Variants in RCHY1 observed in about 807,000 individuals in gnomAD.
RCHY1 encodes the protein ring finger and CHY zinc finger domain containing 1, also known as RING finger and CHY zinc finger domain-containing protein 1.
A neutral mutation model predicts 41.6 loss-of-function variants in RCHY1; 21 were observed. The ratio of observed to expected loss-of-function variants is 0.51; its 90% CI spans 0.36 to 0.73. The LOEUF (loss-of-function observed/expected upper bound fraction) is 0.73. Ranked by LOEUF, RCHY1 falls within the 30% of genes least tolerant of loss-of-function variation. The pLI is 0.00. For missense variants in RCHY1, 265 were observed against 325.3 expected (o/e 0.81, Z 1.43); for synonymous variants, 79 against 102.9 (o/e 0.77, Z 1.41).
At chr4:75,494,855 T>C (rs1411060211) in intron 3 of RCHY1, among the ~76,000 whole-genome samples, 1 of 151,858 alleles carries the variant, frequency 6.6e-6, no homozygotes, top group Non-Finnish European at 1.5e-5. Context: ...GGTAACATGG[T>C]TACTTGTATT....
Position 75,482,398 on chromosome 4 carries a change from G to T in RCHY1, c.*140C>A. On this transcript the variant is annotated 3_prime_UTR_variant, in exon 9 of 9. Transcript: ENST00000324439. ...AGAGACCCTGAATCCTTACGTACTT[G>T]TAATATGATTTTATGCTGTGACACT... The T allele has an allele frequency of 6.2e-6, 4 of 644,210 alleles. No homozygotes were observed. The highest frequency in any genetic ancestry group is 4.8e-6 in the Non-Finnish European group (2 of 419,388). 39.9% of individuals were successfully genotyped at this position (644,210 alleles called of 1,614,324 possible).
intron 3 of RCHY1, among the ~76,000 whole-genome samples, chr4:75,505,215 G>A (rs1724179818): frequency 6.6e-6 from 1 of 152,118 alleles, no homozygotes; most frequent in Non-Finnish European, 1.5e-5. Context: ...TGCTACTACT[G>A]ATGTGACAGG....
chr4:75,513,736 T>C (rs1209402699), intron 1 of RCHY1, among the ~76,000 whole-genome samples: 1 of 152,252 alleles, frequency 6.6e-6, no homozygotes, highest in African/African-American at 2.4e-5. Flanking sequence ...CGTTTTCTCC[T>C]ACGTCTGAAC....
chr4:75,491,675 A>C, intron 6 of RCHY1, 38 bp from the exon 7 acceptor site: 3 of 1,601,020 alleles, frequency 1.9e-6, no homozygotes, highest in Non-Finnish European at 2.6e-6. Flanking sequence ...TAAAACAAAA[A>C]CTGTCTCCAC....
chr4:75,506,173 C>G (rs59968007), intron 3 of RCHY1, among the ~76,000 whole-genome samples: 3,749 of 147,464 alleles, frequency 0.025, 172 homozygotes, highest in African/African-American at 0.089. Context: ...CATATCAATG[C>G]TAAATTGGAT....
intron 3 of RCHY1, among the ~76,000 whole-genome samples, chr4:75,494,978 T>A (rs1723060714): frequency 1.3e-5 from 2 of 152,090 alleles, no homozygotes; most frequent in South Asian, 4.1e-4. Flanking sequence ...ATATGTTCTG[T>A]CCATTTTTCT....
At chr4:75,487,707 AATATATATTC>A (rs1560513229) in intron 8 of RCHY1, among the ~76,000 whole-genome samples, 15 of 58,182 alleles carry the variant, frequency 2.6e-4, no homozygotes, top group South Asian at 4.4e-4. Context: ...ATATATTCAT[AATATATATTC>A]ATATATATAT....
At chr4:75,505,304 G>T (rs566466297) in intron 3 of RCHY1, among the ~76,000 whole-genome samples, 1 of 152,166 alleles carries the variant, frequency 6.6e-6, no homozygotes, top group African/African-American at 2.4e-5. Flanking sequence ...AACAGGCCAT[G>T]CACCAGAATC....
chr4:75,495,831 A>C (rs1723151763), intron 3 of RCHY1, among the ~76,000 whole-genome samples: 1 of 152,076 alleles, frequency 6.6e-6, no homozygotes, highest in South Asian at 2.1e-4. Flanking sequence ...CAATTATCTT[A>C]ATACTACCCT....
intron 8 of RCHY1, among the ~76,000 whole-genome samples, chr4:75,489,307 T>C (rs1722536911): frequency 6.6e-6 from 1 of 152,196 alleles, no homozygotes; most frequent in Non-Finnish European, 1.5e-5. Context: ...TACATTCAAT[T>C]GTCATTTTGA....
At position 75,480,507 on chromosome 4, in the gene RCHY1, C is replaced by G. The variant is rs1186110990; in HGVS notation, c.*2031G>C. 1 of 151,656 alleles carries G rather than the reference C, an allele frequency of 6.6e-6. No homozygotes were observed. The highest frequency in any genetic ancestry group is 2.4e-5 in the African/African-American group (1 of 41,446). 9.4% of individuals were successfully genotyped at this position (151,656 alleles called of 1,614,324 possible). The stretch of plus-strand genomic sequence containing the variant: ...TACCCCCAATGTGTCATTTTAACCT[C>G]TAAACCTCAGCTTTCTTGTCTATGA... On this transcript the variant is annotated 3_prime_UTR_variant, in exon 9 of 9. Coordinates refer to ENST00000324439, the MANE Select transcript of RCHY1 (RefSeq NM_015436.4).
chr4:75,514,155 C>G, intron 1 of RCHY1, 42 bp downstream of exon 1: 1 of 1,585,548 alleles, frequency 6.3e-7, no homozygotes. Context: ...CCAGCCCAAC[C>G]TGACGGAAGC....
rs1560513170 is a variant in RCHY1 at position 75,487,692 on chromosome 4, C to CATATATATATTCATAATATATATTCAT, written c.657+2862_657+2888dup. Among the ~76,000 whole-genome samples, 437 of 59,074 alleles carry CATATATATATTCATAATATATATTCAT rather than the reference C, an allele frequency of 7.4e-3. 51 individuals carry two copies. The highest frequency in any genetic ancestry group is 0.031 in the African/African-American group (320 of 10,224). The allele number at this position is 59,074 out of a possible 152,430, so 38.8% of individuals were successfully genotyped here. Reference sequence around the variant, plus strand: ...CATATATATTCATAATATATATATTCATATATATATTCATAATATATATTC... The same window carrying CATATATATATTCATAATATATATTCAT: ...CATATATATTCATAATATATATATTCATATATATATTCATAATATATATTCATATATATATATTCATAATATATATTC... On this transcript the variant is annotated intron_variant, in intron 8 of 8. Transcript: ENST00000324439.
intron 3 of RCHY1, among the ~76,000 whole-genome samples, chr4:75,500,613 C>T (rs1723658266): frequency 6.6e-6 from 1 of 152,054 alleles, no homozygotes; most frequent in Admixed American, 6.6e-5. Context: ...TGATTCTTGC[C>T]TAAGGATGAA....
chr4:75,497,261 A>G (rs1723298956), intron 3 of RCHY1, among the ~76,000 whole-genome samples: 1 of 152,148 alleles, frequency 6.6e-6, no homozygotes, highest in Non-Finnish European at 1.5e-5. Flanking sequence ...CCTCCTACAT[A>G]TTTTAAGATC....
intron 1 of RCHY1, among the ~76,000 whole-genome samples, chr4:75,510,510 T>C (rs1724761862): frequency 6.6e-6 from 1 of 152,178 alleles, no homozygotes; most frequent in East Asian, 1.9e-4. Flanking sequence ...GTTCATTCCT[T>C]AAAGATTTTA....
chr4:75,505,940 G>A (rs17279298), intron 3 of RCHY1, among the ~76,000 whole-genome samples: 1,571 of 152,114 alleles, frequency 0.01, 10 homozygotes, highest in Non-Finnish European at 0.017. Context: ...CAACAGGTAA[G>A]AGCCTAAGAA....
Position 75,508,805 on chromosome 4 carries a change from C to T in RCHY1, c.326+15G>A. The T allele has an allele frequency of 6.8e-7, 1 of 1,471,630 alleles. No homozygotes were observed. Among genetic ancestry groups the T allele is most frequent in the Non-Finnish European group, 9.4e-7 (1 of 1,065,776 alleles). 91.2% of individuals were successfully genotyped at this position (1,471,630 alleles called of 1,614,324 possible). On this transcript the variant is annotated intron_variant, in intron 3 of 8. Coordinates refer to ENST00000324439, the MANE Select transcript of RCHY1 (RefSeq NM_015436.4). ...CATTAGAAGCAATTAGATAAGAACA[C>T]TTTACATACAGTACCTACAAATTCC... is the stretch of plus-strand genomic sequence containing the variant.
intron 3 of RCHY1, among the ~76,000 whole-genome samples, chr4:75,507,777 A>G (rs1427467979): frequency 6.6e-6 from 1 of 152,146 alleles, no homozygotes; most frequent in African/African-American, 2.4e-5. Context: ...GGAAAATGTA[A>G]TAATTTTAAG....
Sources: gnomAD v4.1 joint callset for allele counts (sites outside exome capture counted in the v4.1 genomes callset) on GRCh38, gnomAD v4.1.1 for gene constraint, MANE v1.5 for transcripts, NCBI Gene and HGNC (gene_info 2026-07-23, HGNC 2026-07-21) for gene names.